Variants in EFHB observed in about 807,000 individuals in gnomAD.
The protein encoded by EFHB is EF-hand domain-containing family member B.
In EFHB, 91 loss-of-function variants were observed where a neutral mutation model predicts 87.2. That is an observed-to-expected ratio of 1.04 (90% CI 0.88 to 1.24). The LOEUF (loss-of-function observed/expected upper bound fraction) is 1.24. Among genes scored for constraint, EFHB ranks in the 50% most tolerant of loss-of-function variants. The pLI, the probability that EFHB is intolerant of heterozygous loss-of-function variation, is 0.00. For synonymous variants in EFHB, 325 were observed against 333.6 expected, an observed-to-expected ratio of 0.97 and a Z score of 0.28; for missense variants, 1,084 against 998.8, an observed-to-expected ratio of 1.09 and a Z score of -1.15.
intron 1 of EFHB, among the ~76,000 whole-genome samples, chr3:19,923,223 C>G (rs377637576): frequency 1.3e-5 from 2 of 151,530 alleles, no homozygotes; most frequent in African/African-American, 2.4e-5. Context: ...GCCGAGATTG[C>G]GCCACTGCAC....
intron 1 of EFHB, among the ~76,000 whole-genome samples, chr3:19,924,216 CTTTT>C (rs1281280539): frequency 7.1e-6 from 1 of 141,410 alleles, no homozygotes. Context: ...CTCTCTCTCT[CTTTT>C]TTTTTTTTTT....
At chr3:19,898,915 G>T in intron 7 of EFHB, 70 bp from the exon 8 acceptor site, 3 of 1,504,702 alleles carry the variant, frequency 2.0e-6, no homozygotes, top group Non-Finnish European at 2.8e-6. Context: ...AAATATGTTT[G>T]CCATATGTTC....
At position 19,921,683 on chromosome 3, in the gene EFHB, G is replaced by A. The variant is rs1156661997; in HGVS notation, c.790-1116C>T. ...CCCACACAATTACATTGTGTGAGAA[G>A]AACTTTGTGTAAAAAAAGAAAGGAG... is the stretch of plus-strand genomic sequence containing the variant. On this transcript the variant is annotated intron_variant, in intron 1 of 12. Coordinates refer to ENST00000295824, the MANE Select transcript of EFHB (RefSeq NM_144715.4). Among the ~76,000 whole-genome samples, 25 of 152,102 alleles carry A rather than the reference G, an allele frequency of 1.6e-4. 1 individual carries two copies. The highest frequency in any genetic ancestry group is 1.6e-3 in the Admixed American group (25 of 15,266).
Position 19,898,885 on chromosome 3 carries a change from C to T in EFHB, c.1503-40G>A, listed in dbSNP as rs1415173216. 1.3e-5 allele frequency: 21 copies of T among 1,582,714 alleles called. No individual in the cohort carries two copies. In the Middle Eastern group the frequency reaches 6.6e-4, roughly 50 times the overall value. Reference sequence around the variant, plus strand: ...AAATCCTTAGTTAAAATACCCACCACATGGCATCTCTGGAATTTAAAATAT... The same window carrying T: ...AAATCCTTAGTTAAAATACCCACCATATGGCATCTCTGGAATTTAAAATAT... On this transcript the variant is annotated intron_variant, in intron 7 of 12. Coordinates refer to ENST00000295824, the MANE Select transcript of EFHB (RefSeq NM_144715.4).
At chr3:19,922,134 C>T (rs1695458470) in intron 1 of EFHB, among the ~76,000 whole-genome samples, 1 of 152,122 alleles carries the variant, frequency 6.6e-6, no homozygotes, top group Non-Finnish European at 1.5e-5. Context: ...CATTGCACTC[C>T]AGCCTGGGCA....
At chr3:19,918,707 G>A (rs1478437794) in intron 3 of EFHB, among the ~76,000 whole-genome samples, 1 of 151,968 alleles carries the variant, frequency 6.6e-6, no homozygotes, top group Non-Finnish European at 1.5e-5. Context: ...AGGTGTAGTG[G>A]CTGACGCCTG....
intron 10 of EFHB, among the ~76,000 whole-genome samples, chr3:19,886,943 A>G (rs963130147): frequency 6.6e-6 from 1 of 152,212 alleles, no homozygotes; most frequent in Admixed American, 6.5e-5. Context: ...TCATTATAGC[A>G]TTGTGCATAT....
At chr3:19,928,645 A>G (rs1457704369) in intron 1 of EFHB, among the ~76,000 whole-genome samples, 2 of 152,174 alleles carry the variant, frequency 1.3e-5, no homozygotes, top group African/African-American at 4.8e-5. Flanking sequence ...GAGTTTTGCC[A>G]TATTGGCCAG....
intron 9 of EFHB, among the ~76,000 whole-genome samples, chr3:19,889,570 G>C (rs11922300): frequency 0.14 from 21,518 of 152,134 alleles, 1,765 homozygotes; most frequent in Middle Eastern, 0.23. Flanking sequence ...CAATCCCCTG[G>C]AGAACGAGAA....
intron 12 of EFHB, among the ~76,000 whole-genome samples, chr3:19,881,809 G>T (rs2071682442): frequency 2.0e-5 from 3 of 152,034 alleles, no homozygotes; most frequent in Admixed American, 6.6e-5. Context: ...CAGCTATGAA[G>T]GTTCTGAAGA....
At chr3:19,902,761 A>G (rs1309594329) in intron 6 of EFHB, among the ~76,000 whole-genome samples, 1 of 152,158 alleles carries the variant, frequency 6.6e-6, no homozygotes, top group Non-Finnish European at 1.5e-5. Context: ...GTAGACTAAC[A>G]CTCTTGACTC....
At chr3:19,936,912 T>TAAATAAAA (rs1553636183), upstream of EFHB, among the ~76,000 whole-genome samples, 113 of 140,806 alleles carry the variant, frequency 8.0e-4, 3 homozygotes, top group South Asian at 0.02. Flanking sequence ...AATAAATAAA[T>TAAATAAAA]AAAAAGTGAG....
chr3:19,934,717 A>C (rs1485274358), upstream of EFHB, among the ~76,000 whole-genome samples: 1 of 152,168 alleles, frequency 6.6e-6, no homozygotes, highest in Non-Finnish European at 1.5e-5. Context: ...ATGAACAAAT[A>C]AACTTTCTGG....
At chr3:19,909,968 T>A (rs866487375) in intron 5 of EFHB, among the ~76,000 whole-genome samples, 1 of 152,022 alleles carries the variant, frequency 6.6e-6, no homozygotes, top group Non-Finnish European at 1.5e-5. Flanking sequence ...AGGTAGTATA[T>A]CAAGGGCCTT....
chr3:19,923,863 C>T (rs1259169940), intron 1 of EFHB, among the ~76,000 whole-genome samples: 1 of 152,112 alleles, frequency 6.6e-6, no homozygotes, highest in Admixed American at 6.5e-5. Flanking sequence ...AAAAGACAAC[C>T]TGAGAAGAAA....
At chr3:19,909,118 A>T (rs1694968408) in intron 5 of EFHB, among the ~76,000 whole-genome samples, 1 of 149,164 alleles carries the variant, frequency 6.7e-6, no homozygotes, top group Admixed American at 6.8e-5. Flanking sequence ...GGCAACTCAT[A>T]GTACTTGATT....
At chr3:19,932,468 C>T (rs1695860083) in intron 1 of EFHB, among the ~76,000 whole-genome samples, 1 of 152,176 alleles carries the variant, frequency 6.6e-6, no homozygotes, top group African/African-American at 2.4e-5. Context: ...ACTGTTTATG[C>T]CTCTCGAACA....
intron 1 of EFHB, among the ~76,000 whole-genome samples, chr3:19,926,318 GT>G (rs1244771206): frequency 7.9e-6 from 1 of 126,166 alleles, no homozygotes; most frequent in African/African-American, 2.9e-5. Flanking sequence ...TTGTGTATGG[GT>G]TTTTTGGTTT....
Position 19,915,392 on chromosome 3 carries a change from A to T in EFHB, c.1199T>A (p.Val400Glu). Reference protein sequence around the residue: ...VIKEYSAKDVVNPPKSYEEVF... With the variant: ...VIKEYSAKDVENPPKSYEEVF... The stretch of plus-strand genomic sequence containing the variant: ...TTCTTCATAGGATTTTGGTGGATTC[A>T]CCACATCTTTAGCAGAGTATTCTGA... Residue 400 changes from valine to glutamate, a missense_variant, in exon 5 of 13, where the codon GTG becomes GAG. Val to Glu is a moderately radical substitution (Grantham distance 121). Coordinates refer to ENST00000295824, the MANE Select transcript of EFHB (RefSeq NM_144715.4). The T allele has an allele frequency of 6.2e-7, 1 of 1,611,826 alleles. No individual in the cohort carries two copies. The highest frequency in any genetic ancestry group is 8.5e-7 in the Non-Finnish European group (1 of 1,178,454).
Sources: gnomAD v4.1 joint callset for allele counts (sites outside exome capture counted in the v4.1 genomes callset) on GRCh38, gnomAD v4.1.1 for gene constraint, MANE v1.5 for transcripts, NCBI Gene and HGNC (gene_info 2026-07-23, HGNC 2026-07-21) for gene names.